Variants in PTPRD observed in about 807,000 individuals in gnomAD.
The protein encoded by PTPRD is protein tyrosine phosphatase receptor type D, also known as receptor-type tyrosine-protein phosphatase delta.
PTPRD carries 34 observed loss-of-function variants against 214.5 expected under a neutral mutation model. That is an observed-to-expected ratio of 0.16 (90% CI 0.12 to 0.21). PTPRD has a LOEUF of 0.21. PTPRD is among the 10% of genes least tolerant of loss of function. The pLI, the probability that PTPRD is intolerant of heterozygous loss-of-function variation, is 1.00. For missense variants in PTPRD, 2,545 were observed against 2,398.7 expected, an observed-to-expected ratio of 1.06 and a Z score of -1.27; for synonymous variants, 1,128 against 845.7, an observed-to-expected ratio of 1.33 and a Z score of -5.79.
Position 8,449,746 on chromosome 9 carries a change from G to T in PTPRD, c.3967C>A (p.Arg1323Ser). Residue 1323 changes from arginine (R) to serine (S), a missense_variant, in exon 34 of 46, where the codon CGC (arginine) becomes AGC (serine). Arg to Ser is a moderately radical substitution (Grantham distance 110). Coordinates refer to ENST00000381196, the MANE Select transcript of PTPRD (RefSeq NM_002839.4). ...TTACCCGGTGTTTGAAAGTTAAGGC[G>T]CCTCAGTTCTACAGGGTCTGTTGGG... ...HHPTDPVELRRLNFQTPGMAS... is the reference protein window; with the variant it reads ...HHPTDPVELRSLNFQTPGMAS... 6.2e-7 allele frequency: 1 copy of T among 1,613,892 alleles called. No homozygotes were observed. The highest frequency in any genetic ancestry group is 8.5e-7 in the Non-Finnish European group (1 of 1,179,858).
intron 14 of PTPRD, among the ~76,000 whole-genome samples, chr9:8,576,630 GC>G (rs1223739426): frequency 1.5e-4 from 7 of 45,420 alleles, no homozygotes; most frequent in South Asian, 6.9e-4. Flanking sequence ...GGCTAATGCA[GC>G]AAAAAAAAAA....
At chr9:9,929,525 C>G (rs773563669) in intron 5 of PTPRD, among the ~76,000 whole-genome samples, 4 of 152,178 alleles carry the variant, frequency 2.6e-5, no homozygotes, top group Non-Finnish European at 4.4e-5. Context: ...TCCCATGCAG[C>G]TGGGACTACA....
intron 11 of PTPRD, among the ~76,000 whole-genome samples, chr9:8,772,400 T>G (rs958510391): frequency 7.3e-5 from 6 of 81,660 alleles, no homozygotes; most frequent in African/African-American, 1.3e-4. Context: ...CATAAAGAAG[T>G]ACAGTTAAAA....
intron 9 of PTPRD, among the ~76,000 whole-genome samples, chr9:9,324,933 A>G (rs1029376002): frequency 6.6e-5 from 10 of 152,194 alleles, no homozygotes; most frequent in African/African-American, 2.4e-4. Context: ...TCCCAGCACC[A>G]TTCATTAAAT....
chr9:8,774,659 C>T (rs549462124), intron 11 of PTPRD, among the ~76,000 whole-genome samples: 9 of 151,070 alleles, frequency 6.0e-5, no homozygotes, highest in African/African-American at 2.2e-4. Flanking sequence ...CTCAGCCTCC[C>T]GAGTAGCTGG....
At chr9:9,494,430 T>C (rs1205079542) in intron 8 of PTPRD, among the ~76,000 whole-genome samples, 6 of 152,106 alleles carry the variant, frequency 3.9e-5, no homozygotes, top group East Asian at 3.9e-4. Flanking sequence ...TCTAAAGAAA[T>C]TGCCACAACC....
chr9:9,286,876 ATATATAT>A (rs1273731339), intron 9 of PTPRD, among the ~76,000 whole-genome samples: 13 of 8,632 alleles, frequency 1.5e-3, no homozygotes, highest in African/African-American at 6.2e-3. Context: ...ACTACTGAAT[ATATATAT>A]ATATATATAT....
chr9:8,814,353 G>A (rs1308235805), intron 11 of PTPRD, among the ~76,000 whole-genome samples: 8 of 145,812 alleles, frequency 5.5e-5, no homozygotes, highest in Admixed American at 2.1e-4. Context: ...AAGCAAGAAT[G>A]TCTTCACGGA....
At chr9:9,852,100 G>A (rs9407448) in intron 5 of PTPRD, among the ~76,000 whole-genome samples, 60,353 of 151,714 alleles carry the variant, frequency 0.4, 14,583 homozygotes, top group Non-Finnish European at 0.55. Flanking sequence ...AGGGAAGATC[G>A]ATGCATTAAA....
chr9:9,717,671 A>T (rs1414870948), intron 7 of PTPRD, among the ~76,000 whole-genome samples: 2 of 152,214 alleles, frequency 1.3e-5, no homozygotes, highest in African/African-American at 4.8e-5. Flanking sequence ...CACTTAACCC[A>T]TGAACTTAGC....
intron 7 of PTPRD, among the ~76,000 whole-genome samples, chr9:9,645,784 T>C (rs1352442674): frequency 6.6e-6 from 1 of 152,136 alleles, no homozygotes; most frequent in East Asian, 1.9e-4. Context: ...ATTCATATCT[T>C]TATCTTTCTC....
intron 4 of PTPRD, among the ~76,000 whole-genome samples, chr9:9,989,826 T>A (rs1027266486): frequency 1.3e-5 from 2 of 152,206 alleles, no homozygotes; most frequent in African/African-American, 2.4e-5. Context: ...GGTTCGTTCT[T>A]GCTGGTGCCC....
At chr9:9,380,871 G>C (rs2062024678) in intron 9 of PTPRD, among the ~76,000 whole-genome samples, 1 of 151,978 alleles carries the variant, frequency 6.6e-6, no homozygotes. Flanking sequence ...TCTATTTTTA[G>C]GTGTATATAT....
At chr9:8,636,600 T>C (rs1595789259) in intron 13 of PTPRD, 99 bp downstream of exon 13, 3 of 1,400,408 alleles carry the variant, frequency 2.1e-6, no homozygotes, top group East Asian at 4.6e-5. Context: ...CATATATCAG[T>C]GACACCTTTT....
intron 6 of PTPRD, among the ~76,000 whole-genome samples, chr9:9,759,868 G>A (rs769023402): frequency 6.6e-6 from 1 of 152,090 alleles, no homozygotes; most frequent in Non-Finnish European, 1.5e-5. Context: ...AGGTCTGTCT[G>A]AAATGATAAA....
At chr9:8,753,471 AATG>A (rs1356321389) in intron 11 of PTPRD, among the ~76,000 whole-genome samples, 5 of 152,202 alleles carry the variant, frequency 3.3e-5, no homozygotes, top group African/African-American at 9.7e-5. Context: ...TTCTTAAAGG[AATG>A]ATATTTTGAA....
At chr9:8,326,611 T>A (rs926021006) in intron 44 of PTPRD, among the ~76,000 whole-genome samples, 1 of 151,064 alleles carries the variant, frequency 6.6e-6, no homozygotes, top group Non-Finnish European at 1.5e-5. Flanking sequence ...AGTCCCTCTT[T>A]TTGTATTGTT....
At chr9:8,635,871 A>C (rs2096415337) in intron 13 of PTPRD, among the ~76,000 whole-genome samples, 1 of 152,016 alleles carries the variant, frequency 6.6e-6, no homozygotes, top group Admixed American at 6.6e-5. Flanking sequence ...TATTGCCTAT[A>C]TTTCTCCTCC....
intron 23 of PTPRD, among the ~76,000 whole-genome samples, chr9:8,501,768 G>A (rs1173638648): frequency 1.3e-5 from 2 of 152,132 alleles, no homozygotes; most frequent in South Asian, 2.1e-4. Context: ...TTACCTACCC[G>A]AGGGTAATGT....
Sources: gnomAD v4.1 joint callset for allele counts (sites outside exome capture counted in the v4.1 genomes callset) on GRCh38, gnomAD v4.1.1 for gene constraint, MANE v1.5 for transcripts, NCBI Gene and HGNC (gene_info 2026-07-23, HGNC 2026-07-21) for gene names.